PMM2: variants seen among roughly 807,000 people sequenced by gnomAD.
The protein encoded by PMM2 is mannose-6-phosphate isomerase.
Under a neutral mutation model 33.2 loss-of-function variants are expected in PMM2, and 35 were observed. The ratio of observed to expected loss-of-function variants is 1.06; its 90% CI spans 0.81 to 1.40. PMM2 has a LOEUF of 1.40. Among genes scored for constraint, PMM2 ranks in the 40% most tolerant of loss-of-function variants. The probability of loss-of-function intolerance (pLI) is 0.00; values close to 1 mark genes in which losing one functional copy is unlikely to be tolerated. For missense variants in PMM2, 386 were observed against 306.0 expected (o/e 1.26, Z -1.95); for synonymous variants, 153 against 114.7 (o/e 1.33, Z -2.13).
At chr16:8,843,017 C>A (rs1188703426) in intron 7 of PMM2, among the ~76,000 whole-genome samples, 1 of 151,926 alleles carries the variant, frequency 6.6e-6, no homozygotes, top group Non-Finnish European at 1.5e-5. Flanking sequence ...CGGCTGTAGT[C>A]CAGGAATAGT....
intron 7 of PMM2, among the ~76,000 whole-genome samples, chr16:8,842,994 C>T (rs906087514): frequency 5.3e-5 from 8 of 151,868 alleles, no homozygotes; most frequent in Admixed American, 2.6e-4. Flanking sequence ...GGGAGAAGGG[C>T]GGCAATGAGA....
chr16:8,822,689 GAA>G (rs2060744802), intron 7 of PMM2, among the ~76,000 whole-genome samples: 1 of 152,158 alleles, frequency 6.6e-6, no homozygotes, highest in South Asian at 2.1e-4. Flanking sequence ...ATGAAGATGG[GAA>G]AAGAGTGATA....
At chr16:8,803,945 A>G (rs2060629761) in intron 2 of PMM2, among the ~76,000 whole-genome samples, 2 of 151,236 alleles carry the variant, frequency 1.3e-5, no homozygotes, top group South Asian at 2.1e-4. Context: ...TGGCCTCCCA[A>G]AGTGCTGGGA....
rs1491428459 is a variant in PMM2 at position 8,827,865 on chromosome 16, TTA to T, written c.639+14767_639+14768del. Among the ~76,000 whole-genome samples, 340 of 91,212 alleles carry T rather than the reference TTA, an allele frequency of 3.7e-3. 6 individuals are homozygous for T. Among genetic ancestry groups the T allele is most frequent in the African/African-American group, 9.1e-3 (243 of 26,706 alleles). 59.8% of individuals were successfully genotyped at this position (91,212 alleles called of 152,430 possible). ...TAATATATAATATATATGTTATATA[TTA>T]TATATATGTTATATAATATATGATA... On this transcript the variant is annotated intron_variant, in intron 7 of 7. Coordinates refer to ENST00000268261, the MANE Select transcript of PMM2 (RefSeq NM_000303.3).
intron 7 of PMM2, 84 bp from the exon 8 acceptor site, chr16:8,847,640 G>T: frequency 3.1e-6 from 3 of 966,476 alleles, no homozygotes; most frequent in East Asian, 2.4e-5. Flanking sequence ...TTGTTTTTTG[G>T]GTACTTTTGG....
chr16:8,798,031 G>A, intron 1 of PMM2, 83 bp downstream of exon 1: 1 of 1,373,844 alleles, frequency 7.3e-7, no homozygotes, highest in Non-Finnish European at 1.0e-6. Flanking sequence ...CCCAGGGTAG[G>A]CGCCAAGGGG....
intron 7 of PMM2, among the ~76,000 whole-genome samples, chr16:8,815,218 C>CTTTTT (rs59339190): frequency 1.8e-4 from 25 of 138,492 alleles, no homozygotes; most frequent in South Asian, 2.3e-4. Context: ...TATTTTCTTT[C>CTTTTT]TTTTTTTTTT....
chr16:8,847,757 A>C lies in PMM2; in HGVS notation c.673A>C (p.Arg225=). The C allele has an allele frequency of 6.2e-7, 1 of 1,614,090 alleles. No homozygotes were observed. Among genetic ancestry groups the C allele is most frequent in the Non-Finnish European group, 8.5e-7 (1 of 1,179,952 alleles). ...GNDHEIFTDP[R]TMGYSVTAPE... is the part of the protein sequence containing the mutation. ...TGACCATGAGATCTTCACAGACCCC[A>C]GAACCATGGGCTACTCCGTGACAGC... The change falls in exon 8 of 8, where the codon AGA becomes CGA. Residue 225 remains arginine (R), a synonymous_variant. Coordinates refer to ENST00000268261, the MANE Select transcript of PMM2 (RefSeq NM_000303.3).
intron 7 of PMM2, among the ~76,000 whole-genome samples, chr16:8,822,898 A>G (rs2060745870): frequency 6.6e-6 from 1 of 152,196 alleles, no homozygotes; most frequent in African/African-American, 2.4e-5. Context: ...AAAGAGTGAA[A>G]GTCCTGGCTT....
intron 1 of PMM2, among the ~76,000 whole-genome samples, chr16:8,801,293 CTT>C (rs2060614903): frequency 2.0e-5 from 3 of 152,194 alleles, no homozygotes; most frequent in Admixed American, 2.0e-4. Flanking sequence ...AAAAATAACA[CTT>C]AAGTTTATTC....
At chr16:8,801,030 C>A (rs573265283) in intron 1 of PMM2, among the ~76,000 whole-genome samples, 69 of 152,248 alleles carry the variant, frequency 4.5e-4, no homozygotes, top group African/African-American at 1.5e-3. Flanking sequence ...TTAAAATCAA[C>A]AACTTAAATC....
At chr16:8,813,506 A>G (rs1200348837) in intron 7 of PMM2, among the ~76,000 whole-genome samples, 2 of 152,160 alleles carry the variant, frequency 1.3e-5, no homozygotes, top group Non-Finnish European at 2.9e-5. Flanking sequence ...ACGAGGGGCC[A>G]TGAACGATGG....
chr16:8,832,650 C>A, intron 7 of PMM2: 3 of 985,424 alleles, frequency 3.0e-6, no homozygotes, highest in Non-Finnish European at 2.4e-6. Flanking sequence ...CCTAACTGCT[C>A]CCTTCAATTG....
intron 7 of PMM2, among the ~76,000 whole-genome samples, chr16:8,834,256 T>C (rs1235642224): frequency 1.3e-5 from 2 of 152,208 alleles, no homozygotes; most frequent in Non-Finnish European, 2.9e-5. Flanking sequence ...TAGTCCATTC[T>C]ACCTTTCCTG....
At chr16:8,844,458 C>T (rs1219673316) in intron 7 of PMM2, among the ~76,000 whole-genome samples, 3 of 151,848 alleles carry the variant, frequency 2.0e-5, no homozygotes, top group Non-Finnish European at 2.9e-5. Flanking sequence ...CGGGACTTGC[C>T]GCTAAGGGTG....
chr16:8,821,383 C>T (rs751455606), intron 7 of PMM2, among the ~76,000 whole-genome samples: 32 of 152,312 alleles, frequency 2.1e-4, no homozygotes, highest in Non-Finnish European at 3.8e-4. Flanking sequence ...GTGCCAGACT[C>T]CACAGAGTCC....
At chr16:8,832,960 G>A in intron 7 of PMM2, 1 of 472,358 alleles carries the variant, frequency 2.1e-6, no homozygotes, top group Non-Finnish European at 2.5e-6. Context: ...GTTGATGACT[G>A]GTCTCCCCAG....
chr16:8,846,074 C>T (rs1249159847), intron 7 of PMM2, among the ~76,000 whole-genome samples: 1 of 152,202 alleles, frequency 6.6e-6, no homozygotes, highest in Non-Finnish European at 1.5e-5. Context: ...GTACAAGGCC[C>T]TGACAGGTTC....
chr16:8,839,430 G>C (rs988179565), intron 7 of PMM2, among the ~76,000 whole-genome samples: 11 of 151,978 alleles, frequency 7.2e-5, no homozygotes, highest in African/African-American at 2.7e-4. Context: ...AATGGGGACT[G>C]ATGGGGTAAC....
Sources: gnomAD v4.1 joint callset for allele counts (sites outside exome capture counted in the v4.1 genomes callset) on GRCh38, gnomAD v4.1.1 for gene constraint, MANE v1.5 for transcripts, NCBI Gene and HGNC (gene_info 2026-07-23, HGNC 2026-07-21) for gene names.